Variants in ACSL1 observed in about 807,000 individuals in gnomAD.
The protein encoded by ACSL1 is long-chain-fatty-acid--CoA ligase 1.
ACSL1 carries 41 observed loss-of-function variants against 98.4 expected under a neutral mutation model. That is an observed-to-expected ratio of 0.42 (90% CI 0.32 to 0.54). ACSL1 has a LOEUF of 0.54. Among genes scored for constraint, ACSL1 ranks in the 20% least tolerant of loss-of-function variants. ACSL1 has a pLI of 0.13. For missense variants in ACSL1, 734 were observed against 883.1 expected, an observed-to-expected ratio of 0.83 and a Z score of 2.14; for synonymous variants, 316 against 322.7, an observed-to-expected ratio of 0.98 and a Z score of 0.22.
intron 2 of ACSL1, among the ~76,000 whole-genome samples, chr4:184,789,743 G>C (rs559300805): frequency 6.6e-6 from 1 of 152,304 alleles, no homozygotes; most frequent in African/African-American, 2.4e-5. Flanking sequence ...GTCTTTACAG[G>C]TAGCAGGTCT....
chr4:184,776,564 C>A lies in ACSL1; in HGVS notation c.676G>T (p.Val226Phe). The A allele has an allele frequency of 6.2e-7, 1 of 1,614,074 alleles. No individual in the cohort carries two copies. The highest frequency in any genetic ancestry group is 2.2e-5 in the East Asian group (1 of 44,896). The part of the protein sequence containing the change: ...KLIPGLKIIV[V>F]MDAYGSELVE... ...AGTTCACTGCCGTAGGCATCCATGACAACTATGATTTTAAGGCCTGGTATT... is the reference window on the plus strand; with the variant it reads ...AGTTCACTGCCGTAGGCATCCATGAAAACTATGATTTTAAGGCCTGGTATT... Residue 226 changes from valine (V) to phenylalanine (F), a missense_variant, in exon 7 of 21, where the codon GTC becomes TTC. Coordinates refer to ENST00000281455, the MANE Select transcript of ACSL1 (RefSeq NM_001995.5).
At chr4:184,774,561 A>C (rs866282835) in intron 7 of ACSL1, among the ~76,000 whole-genome samples, 1 of 152,164 alleles carries the variant, frequency 6.6e-6, no homozygotes, top group East Asian at 1.9e-4. Context: ...GCAGGCTTCC[A>C]GTCACTACCA....
At chr4:184,775,314 T>C (rs935745363) in intron 7 of ACSL1, among the ~76,000 whole-genome samples, 1 of 152,078 alleles carries the variant, frequency 6.6e-6, no homozygotes, top group Non-Finnish European at 1.5e-5. Context: ...TATTTTAATA[T>C]AAACTTTATA....
chr4:184,798,094 C>G (rs1769771627), intron 2 of ACSL1, among the ~76,000 whole-genome samples: 2 of 152,204 alleles, frequency 1.3e-5, no homozygotes, highest in Non-Finnish European at 2.9e-5. Context: ...AGTCATCCAA[C>G]TAGGAAACGA....
intron 1 of ACSL1, among the ~76,000 whole-genome samples, chr4:184,811,221 A>G (rs55724214): frequency 0.11 from 17,275 of 151,084 alleles, 1,130 homozygotes; most frequent in Admixed American, 0.2. Flanking sequence ...CCATTCTCCC[A>G]CCTCAGCCTC....
intron 1 of ACSL1, among the ~76,000 whole-genome samples, chr4:184,820,465 T>C (rs1772979499): frequency 6.6e-6 from 1 of 152,240 alleles, no homozygotes; most frequent in Non-Finnish European, 1.5e-5. Flanking sequence ...ATTTGTGGTC[T>C]CTTTCAGCAC....
At chr4:184,788,971 T>A (rs369596604) in intron 2 of ACSL1, among the ~76,000 whole-genome samples, 1 of 152,230 alleles carries the variant, frequency 6.6e-6, no homozygotes, top group Non-Finnish European at 1.5e-5. Flanking sequence ...TGTCCTGAAC[T>A]CGTTCCTATT....
chr4:184,817,330 T>C (rs1394704102), intron 1 of ACSL1, among the ~76,000 whole-genome samples: 2 of 152,218 alleles, frequency 1.3e-5, no homozygotes, highest in African/African-American at 4.8e-5. Flanking sequence ...TTAAATGCTT[T>C]TATCTATAAA....
chr4:184,800,053 A>G (rs555274159), intron 2 of ACSL1, among the ~76,000 whole-genome samples: 1 of 152,302 alleles, frequency 6.6e-6, no homozygotes, highest in South Asian at 2.1e-4. Context: ...TGTATGATAT[A>G]ATTTTACCTC....
chr4:184,812,194 T>C (rs771648233), intron 1 of ACSL1: 56 of 985,296 alleles, frequency 5.7e-5, no homozygotes, highest in Non-Finnish European at 6.6e-5. Context: ...TAGATGCTTC[T>C]TCCTCTCCCC....
chr4:184,784,348 A>G (rs914050223), intron 3 of ACSL1, among the ~76,000 whole-genome samples: 1 of 152,210 alleles, frequency 6.6e-6, no homozygotes, highest in Admixed American at 6.5e-5. Context: ...TGGTAAACAG[A>G]TACCTTTTCA....
chr4:184,780,065 T>C (rs983850991), intron 5 of ACSL1, among the ~76,000 whole-genome samples: 2 of 152,090 alleles, frequency 1.3e-5, no homozygotes, highest in Non-Finnish European at 2.9e-5. Context: ...AGAGATGGGG[T>C]TTCTCCATGT....
chr4:184,792,196 A>G (rs1488182612), intron 2 of ACSL1, among the ~76,000 whole-genome samples: 1 of 152,216 alleles, frequency 6.6e-6, no homozygotes, highest in Non-Finnish European at 1.5e-5. Context: ...TTATTACCCT[A>G]ATTAGCAATT....
In ACSL1 at chr4:184,765,926, C is replaced by A. The variant is rs1393420630; in HGVS notation, c.1324G>T (p.Val442Leu). The A allele has an allele frequency of 6.2e-7, 1 of 1,614,106 alleles. No individual in the cohort carries two copies. The highest frequency in any genetic ancestry group is 1.7e-5 in the Admixed American group (1 of 60,028). The change falls in exon 14 of 21, where the codon GTG becomes TTG. Residue 442 changes from valine to leucine, a missense_variant. Coordinates refer to ENST00000281455, the MANE Select transcript of ACSL1 (RefSeq NM_001995.5). ...VTGAAPVSAT[V>L]LTFLRAALGC... ...AGGGCTGCTCTGAGGAACGTCAGCA[C>A]AGTGGCAGACACCGGGGCGGCTCCT...
chr4:184,808,835 C>G (rs1771747941), intron 1 of ACSL1, among the ~76,000 whole-genome samples: 1 of 152,228 alleles, frequency 6.6e-6, no homozygotes, highest in Non-Finnish European at 1.5e-5. Context: ...AGATGCCAGT[C>G]TCCCAGCTGG....
Position 184,776,742 on chromosome 4 carries a change from T to C in ACSL1, c.578-80A>G, listed in dbSNP as rs1281451991. 5 of 1,513,858 alleles carry C rather than the reference T, an allele frequency of 3.3e-6. No individual in the cohort carries two copies. In the South Asian group the frequency reaches 3.6e-5, roughly 11 times the overall value. 93.8% of individuals were successfully genotyped at this position (1,513,858 alleles called of 1,614,324 possible). A position where few individuals can be genotyped will look rare whatever the true frequency, so the allele number is the denominator to read the frequency against. The stretch of plus-strand genomic sequence containing the variant: ...TCTGTCATATCCAGCACAAGGATAC[T>C]TGAAGTACTACATTCTTTGAATAAA... On this transcript the variant is annotated intron_variant, in intron 6 of 20. Coordinates refer to ENST00000281455, the MANE Select transcript of ACSL1 (RefSeq NM_001995.5).
At chr4:184,772,880 A>T (rs529813966) in intron 10 of ACSL1, among the ~76,000 whole-genome samples, 1 of 152,212 alleles carries the variant, frequency 6.6e-6, no homozygotes, top group African/African-American at 2.4e-5. Flanking sequence ...CTTAATTATC[A>T]TAAGGCAAGG....
intron 5 of ACSL1, among the ~76,000 whole-genome samples, chr4:184,779,315 CTT>C (rs1441662368): frequency 6.6e-6 from 1 of 152,164 alleles, no homozygotes; most frequent in Admixed American, 6.5e-5. Flanking sequence ...TCTGCTTTTG[CTT>C]CTTCCGCATT....
At chr4:184,810,337 G>C (rs1031616992) in intron 1 of ACSL1, among the ~76,000 whole-genome samples, 1 of 152,174 alleles carries the variant, frequency 6.6e-6, no homozygotes, top group Non-Finnish European at 1.5e-5. Flanking sequence ...CAAATACAGG[G>C]GCTGAGAGCA....
Sources: gnomAD v4.1 joint callset for allele counts (sites outside exome capture counted in the v4.1 genomes callset) on GRCh38, gnomAD v4.1.1 for gene constraint, MANE v1.5 for transcripts, NCBI Gene and HGNC (gene_info 2026-07-23, HGNC 2026-07-21) for gene names.